The following RGSL1 variants were observed in gnomAD, a reference collection of about 807,000 sequenced individuals.
RGSL1 encodes the protein regulator of G protein signaling protein-like.
RGSL1 carries 97 observed loss-of-function variants against 124.7 expected under a neutral mutation model. The observed-to-expected ratio is 0.78, with a 90% CI of 0.66 to 0.92. The LOEUF (loss-of-function observed/expected upper bound fraction) is 0.92, where lower values mean the gene tolerates loss of function less well. RGSL1 is among the 40% of genes least tolerant of loss of function. The pLI, the probability that RGSL1 is intolerant of heterozygous loss-of-function variation, is 0.00. For synonymous variants in RGSL1, 424 were observed against 438.1 expected, an observed-to-expected ratio of 0.97 and a Z score of 0.40; for missense variants, 1,233 against 1,288.4, an observed-to-expected ratio of 0.96 and a Z score of 0.66.
At chr1:182,555,769 C>T (rs751833138) in intron 20 of RGSL1, 15 of 465,568 alleles carry the variant, frequency 3.2e-5, no homozygotes, top group African/African-American at 7.9e-5. Context: ...ATTATTTGCC[C>T]GTCCCAGTGC....
At position 182,557,808 on chromosome 1, in the gene RGSL1, G is replaced by A. The variant is rs371194219; in HGVS notation, c.*165+1586G>A. 1.6e-4 allele frequency among the ~76,000 whole-genome samples: 25 copies of A among 152,114 alleles called. No individual in the cohort carries two copies. The East Asian group carries it at 2.1e-3, about 13-fold the overall frequency. On this transcript the variant is annotated intron_variant, in intron 21 of 21. Coordinates refer to ENST00000294854, the MANE Select transcript of RGSL1 (RefSeq NM_001137669.2). ...TTAAGTTTTGTTGATTGCTTCTTTC[G>A]GTTTCTTACATGCTCCCTTCAAAGA...
upstream of RGSL1, among the ~76,000 whole-genome samples, chr1:182,449,598 A>AG (rs1410623545): frequency 2.6e-5 from 4 of 152,204 alleles, no homozygotes; most frequent in African/African-American, 9.6e-5. Flanking sequence ...GAGTCTTCAG[A>AG]GGAAGGGAGT....
At chr1:182,465,803 C>G (rs1653272740) in intron 4 of RGSL1, among the ~76,000 whole-genome samples, 1 of 152,046 alleles carries the variant, frequency 6.6e-6, no homozygotes, top group Non-Finnish European at 1.5e-5. Flanking sequence ...ATCACTTTCT[C>G]ACTCCTTCTT....
chr1:182,450,116 G>C (rs899753833), upstream of RGSL1: 1 of 1,550,534 alleles, frequency 6.4e-7, no homozygotes, highest in Admixed American at 2.0e-5. Flanking sequence ...TATTGACTGG[G>C]GGGTAATTCT....
intron 4 of RGSL1, among the ~76,000 whole-genome samples, chr1:182,465,515 G>A (rs564469032): frequency 1.3e-5 from 2 of 152,018 alleles, no homozygotes; most frequent in South Asian, 2.1e-4. Context: ...TAATGTAAAT[G>A]ACGAGTTAAT....
chr1:182,501,302 C>CTTTTTTTTTTT, intron 9 of RGSL1, among the ~76,000 whole-genome samples: 1 of 54,230 alleles, frequency 1.8e-5, no homozygotes, highest in Non-Finnish European at 3.7e-5. Context: ...TTTCTTTTTT[C>CTTTTTTTTTTT]TTTTCTTTTT....
At chr1:182,473,519 T>C in intron 5 of RGSL1, 56 bp from the exon 6 acceptor site, 1 of 1,463,794 alleles carries the variant, frequency 6.8e-7, no homozygotes, top group Non-Finnish European at 9.0e-7. Flanking sequence ...TCCAACACCA[T>C]CATCACTGCC....
intron 18 of RGSL1, among the ~76,000 whole-genome samples, chr1:182,553,135 C>T (rs530562464): frequency 6.6e-6 from 1 of 152,126 alleles, no homozygotes; most frequent in Non-Finnish European, 1.5e-5. Flanking sequence ...AACTCCTGAC[C>T]TCAGGTGATC....
rs1378753321 is a variant in RGSL1 at position 182,541,649 on chromosome 1, C to T, written c.2669+1228C>T. Among the ~76,000 whole-genome samples the T allele has an allele frequency of 2.0e-5, 3 of 152,292 alleles. No individual in the cohort carries two copies. In the South Asian group the frequency reaches 6.2e-4, roughly 32 times the overall value. On this transcript the variant is annotated intron_variant, in intron 15 of 21. Transcript: ENST00000294854. Reference sequence around the variant, plus strand: ...CTACTTTTAGCTTTTTGAGGAAGCTCCATACTGTTTTCCACAGTGGCTATA... The same window carrying T: ...CTACTTTTAGCTTTTTGAGGAAGCTTCATACTGTTTTCCACAGTGGCTATA...
rs1247155754 is a variant in RGSL1 at position 182,494,125 on chromosome 1, C to T, written c.1825+996C>T. Among the ~76,000 whole-genome samples, 5 of 152,206 alleles carry T rather than the reference C, an allele frequency of 3.3e-5. No individual in the cohort carries two copies. The East Asian group carries it at 9.6e-4, about 29-fold the overall frequency. ...CCTGAGCCCCCGGTCATCACGACTT[C>T]TCAGGCTGTGGCTGCTTCACTTGTC... On this transcript the variant is annotated intron_variant, in intron 9 of 21. Transcript: ENST00000294854.
chr1:182,555,447 AAAG>A (rs1277137525), intron 20 of RGSL1: 1 of 155,450 alleles, frequency 6.4e-6, no homozygotes, highest in African/African-American at 2.4e-5. Context: ...GGTGGGAAAG[AAAG>A]AAGATCTGTT....
chr1:182,514,550 T>C (rs1314596243), intron 9 of RGSL1, among the ~76,000 whole-genome samples: 3 of 152,172 alleles, frequency 2.0e-5, no homozygotes, highest in Non-Finnish European at 4.4e-5. Flanking sequence ...GGAAAACCTC[T>C]ATATATCTGT....
At chr1:182,508,663 T>G (rs1347317474) in intron 9 of RGSL1, among the ~76,000 whole-genome samples, 36 of 66,422 alleles carry the variant, frequency 5.4e-4, no homozygotes, top group East Asian at 4.3e-3. Context: ...ATATACCTAT[T>G]GACTATTTGT....
intron 2 of RGSL1, among the ~76,000 whole-genome samples, chr1:182,454,933 C>T (rs574193597): frequency 1.3e-4 from 20 of 152,112 alleles, no homozygotes; most frequent in African/African-American, 3.4e-4. Context: ...TACTAAAAGG[C>T]GAAATTTCAG....
intron 8 of RGSL1, among the ~76,000 whole-genome samples, chr1:182,490,147 C>T (rs1655412268): frequency 6.6e-6 from 1 of 152,162 alleles, no homozygotes; most frequent in Non-Finnish European, 1.5e-5. Context: ...TAAAAGCTAA[C>T]AATGTCACCA....
intron 4 of RGSL1, among the ~76,000 whole-genome samples, chr1:182,471,582 T>C (rs943330973): frequency 6.6e-6 from 1 of 152,196 alleles, no homozygotes; most frequent in South Asian, 2.1e-4. Context: ...CTTTTACTCG[T>C]TTATTCATTC....
At chr1:182,557,253 G>A (rs975816348) in intron 21 of RGSL1, among the ~76,000 whole-genome samples, 5 of 152,226 alleles carry the variant, frequency 3.3e-5, no homozygotes, top group African/African-American at 1.2e-4. Context: ...ATCAGGGCTA[G>A]AGCTTTAGAA....
rs569567118 is a variant in RGSL1, at chr1:182,511,170, T to G, written c.1826-10834T>G. On this transcript the variant is annotated intron_variant, in intron 9 of 21. Coordinates refer to ENST00000294854, the MANE Select transcript of RGSL1 (RefSeq NM_001137669.2). ...CTCCATATAGTTATCCAGCTTGCTT[T>G]CTTTATTTTTTTGAGATAGAGATTT... is the stretch of plus-strand genomic sequence containing the variant. Among the ~76,000 whole-genome samples the G allele has an allele frequency of 3.9e-5, 6 of 152,312 alleles. No homozygotes were observed. The South Asian group carries it at 1.0e-3, about 26-fold the overall frequency.
chr1:182,477,137 A>G (rs1159398175), intron 6 of RGSL1, among the ~76,000 whole-genome samples: 2 of 152,192 alleles, frequency 1.3e-5, no homozygotes, highest in Non-Finnish European at 2.9e-5. Flanking sequence ...CCCAAGTTGG[A>G]GGTTGCACCA....
Sources: gnomAD v4.1 joint callset for allele counts (sites outside exome capture counted in the v4.1 genomes callset) on GRCh38, gnomAD v4.1.1 for gene constraint, MANE v1.5 for transcripts, NCBI Gene and HGNC (gene_info 2026-07-23, HGNC 2026-07-21) for gene names.